CSMD3: variants seen among roughly 807,000 people sequenced by gnomAD.
The protein encoded by CSMD3 is CUB and Sushi multiple domains 3.
In CSMD3, 177 loss-of-function variants were observed where a neutral mutation model predicts 435.2. That is an observed-to-expected ratio of 0.41 (90% CI 0.36 to 0.46). The LOEUF is 0.46. Ranked by LOEUF, CSMD3 falls within the 20% of genes least tolerant of loss-of-function variation. The pLI is 0.34. For missense variants in CSMD3, 4,265 were observed against 4,504.6 expected (o/e 0.95, Z 1.52); for synonymous variants, 1,656 against 1,520.5 (o/e 1.09, Z -2.07).
intron 3 of CSMD3, among the ~76,000 whole-genome samples, chr8:113,195,124 G>C (rs1685419613): frequency 6.6e-6 from 1 of 150,606 alleles, no homozygotes; most frequent in South Asian, 2.1e-4. Context: ...TATTATATCT[G>C]CAAAAGCAAG....
intron 16 of CSMD3, among the ~76,000 whole-genome samples, chr8:112,673,539 T>C (rs1270565011): frequency 6.6e-6 from 1 of 152,136 alleles, no homozygotes; most frequent in African/African-American, 2.4e-5. Flanking sequence ...AATGTGTGAA[T>C]ACATATCTGT....
chr8:112,807,638 T>C (rs559885104), intron 12 of CSMD3, among the ~76,000 whole-genome samples: 28 of 152,214 alleles, frequency 1.8e-4, no homozygotes, highest in Middle Eastern at 3.4e-3. Context: ...GGAAAACTGA[T>C]AGCTGATTTT....
intron 3 of CSMD3, among the ~76,000 whole-genome samples, chr8:113,256,930 C>T (rs1325437694): frequency 2.6e-5 from 4 of 152,136 alleles, no homozygotes; most frequent in Non-Finnish European, 5.9e-5. Context: ...TAAGAATCAG[C>T]AGTTTAGCCA....
At chr8:112,361,572 C>CATATATATATATAT (rs4030099) in intron 38 of CSMD3, among the ~76,000 whole-genome samples, 18 of 107,166 alleles carry the variant, frequency 1.7e-4, no homozygotes, top group East Asian at 5.4e-4. Context: ...TATACACATA[C>CATATATATATATAT]ATATATATAT....
intron 13 of CSMD3, among the ~76,000 whole-genome samples, chr8:112,771,364 C>G (rs2078109292): frequency 6.6e-6 from 1 of 151,908 alleles, no homozygotes; most frequent in Non-Finnish European, 1.5e-5. Context: ...TGTGGCAAAA[C>G]TCTATCTCTA....
At chr8:112,889,118 C>T (rs768099112) in intron 10 of CSMD3, among the ~76,000 whole-genome samples, 14 of 151,488 alleles carry the variant, frequency 9.2e-5, no homozygotes, top group Non-Finnish European at 1.8e-4. Context: ...TTAAGCATGC[C>T]CTGGGTTTCT....
intron 1 of CSMD3, among the ~76,000 whole-genome samples, chr8:113,318,671 G>T (rs1210243458): frequency 1.3e-5 from 2 of 151,922 alleles, no homozygotes; most frequent in Non-Finnish European, 2.9e-5. Flanking sequence ...ACATATAGGT[G>T]ATATCTTCCA....
chr8:113,389,679 T>C (rs1215389342), intron 1 of CSMD3, among the ~76,000 whole-genome samples: 4 of 151,790 alleles, frequency 2.6e-5, no homozygotes, highest in African/African-American at 9.7e-5. Context: ...TTCAGGCTGA[T>C]TCACCATATG....
chr8:112,535,644 C>A (rs898202872), intron 27 of CSMD3, among the ~76,000 whole-genome samples: 36 of 152,130 alleles, frequency 2.4e-4, no homozygotes, highest in African/African-American at 8.4e-4. Flanking sequence ...CTACCAATGA[C>A]TTTCTTCACA....
chr8:113,013,548 G>T, intron 6 of CSMD3, among the ~76,000 whole-genome samples: 1 of 151,876 alleles, frequency 6.6e-6, no homozygotes, highest in East Asian at 1.9e-4. Context: ...AATCTGACTA[G>T]AGGTAAAAGG....
At chr8:113,150,968 T>C (rs1201792797) in intron 4 of CSMD3, among the ~76,000 whole-genome samples, 1 of 151,960 alleles carries the variant, frequency 6.6e-6, no homozygotes, top group African/African-American at 2.4e-5. Context: ...GCAGAAAATA[T>C]AGGATTTCAT....
intron 1 of CSMD3, among the ~76,000 whole-genome samples, chr8:113,414,537 G>A (rs1245680761): frequency 6.6e-6 from 1 of 150,942 alleles, no homozygotes; most frequent in Non-Finnish European, 1.5e-5. Flanking sequence ...AATAACAGTG[G>A]TGCTCATGAA....
At chr8:113,098,568 T>A (rs2090234876) in intron 5 of CSMD3, 188 bp downstream of exon 5, 5 of 589,046 alleles carry the variant, frequency 8.5e-6, no homozygotes, top group Non-Finnish European at 1.5e-5. Flanking sequence ...AGTTTTGAAT[T>A]TCATCTATTT....
At chr8:113,176,332 AT>A (rs1280700860) in intron 3 of CSMD3, among the ~76,000 whole-genome samples, 1 of 152,058 alleles carries the variant, frequency 6.6e-6, no homozygotes, top group East Asian at 1.9e-4. Context: ...ATCAATCCTG[AT>A]TCTATAACCA....
chr8:112,745,461 T>C (rs1455824613), intron 13 of CSMD3, among the ~76,000 whole-genome samples: 2 of 152,136 alleles, frequency 1.3e-5, no homozygotes, highest in African/African-American at 4.8e-5. Context: ...TTTTGGTCTT[T>C]TACTACTGTA....
intron 12 of CSMD3, among the ~76,000 whole-genome samples, chr8:112,823,908 A>T (rs1249791399): frequency 3.3e-5 from 5 of 152,052 alleles, no homozygotes; most frequent in African/African-American, 1.2e-4. Flanking sequence ...TATATCTAAT[A>T]TTGACAGTGG....
At chr8:113,355,749 T>TATATATATACACAC (rs1357514892) in intron 1 of CSMD3, among the ~76,000 whole-genome samples, 7 of 81,322 alleles carry the variant, frequency 8.6e-5, no homozygotes, top group African/African-American at 2.8e-4. Context: ...TATATATATA[T>TATATATATACACAC]ACACACACAC....
chr8:113,170,210 T>C (rs1223844533), intron 4 of CSMD3, among the ~76,000 whole-genome samples: 1 of 152,154 alleles, frequency 6.6e-6, no homozygotes, highest in Non-Finnish European at 1.5e-5. Context: ...AGGCATGAAC[T>C]GAGTAGTCTG....
At chr8:113,300,022 T>G (rs1302456786) in intron 2 of CSMD3, among the ~76,000 whole-genome samples, 1 of 150,370 alleles carries the variant, frequency 6.7e-6, no homozygotes, top group East Asian at 2.0e-4. Flanking sequence ...AGCATGGTGG[T>G]GCATGTCTGC....
Sources: allele counts gnomAD v4.1 joint callset (sites outside exome capture counted in the v4.1 genomes callset), GRCh38; gene constraint gnomAD v4.1.1; transcripts MANE v1.5; gene names NCBI Gene and HGNC (gene_info 2026-07-23, HGNC 2026-07-21).